The following MTRR variants were observed in gnomAD, a reference collection of about 807,000 sequenced individuals.
MTRR encodes methionine synthase reductase.
MTRR carries 63 observed loss-of-function variants against 79.2 expected under a neutral mutation model. The observed-to-expected ratio is 0.80, with a 90% CI of 0.65 to 0.98. The LOEUF (loss-of-function observed/expected upper bound fraction) is 0.98, where lower values mean the gene tolerates loss of function less well. Ranked by LOEUF, MTRR falls within the 50% of genes least tolerant of loss-of-function variation. MTRR has a pLI of 0.00. For missense variants in MTRR, 895 were observed against 839.6 expected (o/e 1.07, Z -0.82); for synonymous variants, 355 against 313.3 (o/e 1.13, Z -1.41).
chr5:7,851,116 A>G, upstream of MTRR: 1 of 1,215,852 alleles, frequency 8.2e-7, no homozygotes, highest in Non-Finnish European at 1.0e-6. Flanking sequence ...GCTCAGCGCC[A>G]GCGTCTAGCC....
intron 2 of MTRR, among the ~76,000 whole-genome samples, chr5:7,864,016 AT>A (rs1746751945): frequency 1.3e-5 from 2 of 151,982 alleles, no homozygotes; most frequent in Non-Finnish European, 2.9e-5. Flanking sequence ...TGCCCGGCTA[AT>A]TTTTTGTATT....
chr5:7,899,455 T>A (rs1279774395), intron 14 of MTRR, among the ~76,000 whole-genome samples: 1 of 152,208 alleles, frequency 6.6e-6, no homozygotes, highest in Non-Finnish European at 1.5e-5. Flanking sequence ...ACCTGGCACA[T>A]AGTAAGTCCT....
intron 4 of MTRR, among the ~76,000 whole-genome samples, chr5:7,876,359 A>G (rs1215269433): frequency 2.6e-5 from 4 of 152,172 alleles, no homozygotes; most frequent in Non-Finnish European, 4.4e-5. Context: ...GCTCATTGAC[A>G]TTAAATGCTC....
upstream of MTRR, chr5:7,867,035 A>G: frequency 6.2e-7 from 1 of 1,614,178 alleles, no homozygotes; most frequent in Non-Finnish European, 8.5e-7. Context: ...TTTTGTAAAA[A>G]ATGTGTCATG....
intron 5 of MTRR, among the ~76,000 whole-genome samples, chr5:7,881,771 G>A (rs138761319): frequency 1.1e-3 from 173 of 151,944 alleles, no homozygotes; most frequent in African/African-American, 3.8e-3. Context: ...TTTCAAGTGC[G>A]AGTGAATTTT....
chr5:7,875,993 A>G (rs1175411092), intron 4 of MTRR, among the ~76,000 whole-genome samples: 1 of 152,244 alleles, frequency 6.6e-6, no homozygotes, highest in African/African-American at 2.4e-5. Context: ...TCCTACAGAT[A>G]TTGTCCTATA....
At chr5:7,889,367 T>A (rs1372106438) in intron 9 of MTRR, 92 bp downstream of exon 9, 1 of 1,384,216 alleles carries the variant, frequency 7.2e-7, no homozygotes, top group East Asian at 2.3e-5. Flanking sequence ...GCTGCTCTTG[T>A]CTTACCCTTT....
intron 1 of MTRR, chr5:7,859,506 T>C (rs764452426): frequency 1.3e-5 from 21 of 1,606,132 alleles, no homozygotes; most frequent in Non-Finnish European, 1.6e-5. Context: ...AATTCACGTC[T>C]TGATTTTAGC....
At position 7,870,750 on chromosome 5, in the gene MTRR, T is replaced by C. The variant is rs1300908624; in HGVS notation, c.-25-20T>C. On this transcript the variant is annotated intron_variant, in intron 1 of 14. Transcript: ENST00000440940. ...TTACTGCTTCATTAAAAAGAGGATC[T>C]TTTTTCCCCCATTTTTCAGTTTCAC... is the stretch of plus-strand genomic sequence containing the variant. 1.9e-6 allele frequency: 3 copies of C among 1,613,116 alleles called. No homozygotes were observed. Among genetic ancestry groups the C allele is most frequent in the Non-Finnish European group, 2.5e-6 (3 of 1,179,308 alleles).
In MTRR at chr5:7,900,045, A is replaced by T; in HGVS notation, c.2084A>T (p.Asp695Val). The T allele has an allele frequency of 1.9e-6, 3 of 1,613,358 alleles. No individual in the cohort carries two copies. Among genetic ancestry groups the T allele is most frequent in the Non-Finnish European group, 2.5e-6 (3 of 1,179,900 alleles). ...AAAGAAGAAAAACGCTACCTTCAGG[A>T]TATTTGGTCATAAAACCAGAAATTA... ...TLKEEKRYLQDIWS is the reference protein window; with the variant it reads ...TLKEEKRYLQVIWS Residue 695 changes from aspartate to valine, a missense_variant, in exon 15 of 15, where the codon GAT (aspartate) becomes GTT (valine). Coordinates refer to ENST00000440940, the MANE Select transcript of MTRR (RefSeq NM_002454.3).
intron 8 of MTRR, among the ~76,000 whole-genome samples, chr5:7,887,855 T>C (rs1736890240): frequency 7.1e-6 from 1 of 139,872 alleles, no homozygotes; most frequent in Non-Finnish European, 1.5e-5. Context: ...AATAGTATGC[T>C]CATTGGAAAA....
In MTRR at chr5:7,873,388, G is replaced by A; in HGVS notation, c.145G>A (p.Glu49Lys). 6.8e-6 allele frequency: 11 copies of A among 1,614,104 alleles called. No individual in the cohort carries two copies. Among genetic ancestry groups the A allele is most frequent in the East Asian group, 2.2e-5 (1 of 44,876 alleles). Residue 49 changes from glutamate to lysine, a missense_variant, in exon 3 of 15, where the codon GAA becomes AAA. Coordinates refer to ENST00000440940, the MANE Select transcript of MTRR (RefSeq NM_002454.3). ...SESDKYDLKT[E>K]TAPLVVVVST... ...TGTTTTGTAGTATGACCTAAAAACC[G>A]AAACAGCTCCTCTTGTTGTTGTGGT...
intron 1 of MTRR, among the ~76,000 whole-genome samples, chr5:7,860,344 C>T (rs161875): frequency 0.031 from 4,680 of 152,242 alleles, 132 homozygotes; most frequent in African/African-American, 0.071. Context: ...ACATTATCTA[C>T]AGTGAAATAT....
intron 1 of MTRR, among the ~76,000 whole-genome samples, chr5:7,851,762 GT>G (rs1209475242): frequency 6.6e-6 from 1 of 152,164 alleles, no homozygotes; most frequent in Non-Finnish European, 1.5e-5. Context: ...CTTTGCCAGT[GT>G]GTTTACGTTG....
At position 7,892,481 on chromosome 5, in the gene MTRR, TATC is replaced by T. The variant is rs1737769778; in HGVS notation, c.1371-242_1371-240del. Among the ~76,000 whole-genome samples the T allele has an allele frequency of 3.3e-5, 5 of 152,316 alleles. No individual in the cohort carries two copies. In the South Asian group the frequency reaches 1.0e-3, roughly 32 times the overall value. ...CTTAGGGCATATTAGATTTTATAAA[TATC>T]ATCTAGTCCTAGTGCAAGCAAATAA... On this transcript the variant is annotated intron_variant, in intron 10 of 14. Transcript: ENST00000440940.
Position 7,885,826 on chromosome 5 carries a change from GA to G in MTRR, c.1033del (p.Ile345Ter). 6.2e-7 allele frequency: 1 copy of G among 1,614,100 alleles called. No individual in the cohort carries two copies. Among genetic ancestry groups the G allele is most frequent in the Non-Finnish European group, 8.5e-7 (1 of 1,180,014 alleles). ...ATAAAAGAGAGCACTGCGTCCTTTT[GA>G]AAATAAAGGCAGACACAAAGAAGAA... ...EDKREHCVLL[K>X]IKADTKKKGA... On this transcript the variant is annotated frameshift_variant, in exon 7 of 15. Transcript: ENST00000440940. LOFTEE classifies it high-confidence loss of function.
chr5:7,869,213 T>C lies in MTRR; in HGVS notation c.-28T>C. 6.2e-7 allele frequency: 1 copy of C among 1,606,572 alleles called. No individual in the cohort carries two copies. Among genetic ancestry groups the C allele is most frequent in the Non-Finnish European group, 8.5e-7 (1 of 1,179,738 alleles). ...AGGTTCGTGCCCGGCTGGCGCGGCGTGGGTAAGCTGCCTGTCGGCTACGGT... is the reference window on the plus strand; with the variant it reads ...AGGTTCGTGCCCGGCTGGCGCGGCGCGGGTAAGCTGCCTGTCGGCTACGGT... On this transcript the variant is annotated splice_region_variant and 5_prime_UTR_variant, in exon 1 of 15. Coordinates refer to ENST00000440940, the MANE Select transcript of MTRR (RefSeq NM_002454.3).
chr5:7,883,424 G>A (rs1355461606), intron 6 of MTRR, 147 bp downstream of exon 6: 1 of 973,728 alleles, frequency 1.0e-6, no homozygotes, highest in Non-Finnish European at 1.6e-6. Context: ...GTGCTGAGTT[G>A]TGTGGTGCTT....
intron 2 of MTRR, 85 bp downstream of exon 2, chr5:7,871,008 TA>T (rs1747884733): frequency 7.0e-7 from 1 of 1,438,590 alleles, no homozygotes; most frequent in Admixed American, 1.7e-5. Context: ...AAAAGGACAC[TA>T]ATACCACCAC....
Sources: allele counts gnomAD v4.1 joint callset (sites outside exome capture counted in the v4.1 genomes callset), GRCh38; gene constraint gnomAD v4.1.1; transcripts MANE v1.5; gene names NCBI Gene and HGNC (gene_info 2026-07-23, HGNC 2026-07-21).